PCBP3: variants seen among roughly 807,000 people sequenced by gnomAD.
PCBP3 encodes the protein poly(rC) binding protein 3.
A neutral mutation model predicts 52.7 loss-of-function variants in PCBP3; 25 were observed. That is an observed-to-expected ratio of 0.47 (90% CI 0.35 to 0.66). The LOEUF (loss-of-function observed/expected upper bound fraction) is 0.66. PCBP3 is among the 30% of genes least tolerant of loss of function. The pLI is 0.01. For missense variants in PCBP3, 391 were observed against 490.3 expected (o/e 0.80, Z 1.91); for synonymous variants, 162 against 183.0 (o/e 0.89, Z 0.93).
At chr21:45,884,005 A>G (rs1296333649) in intron 5 of PCBP3, among the ~76,000 whole-genome samples, 5 of 152,160 alleles carry the variant, frequency 3.3e-5, no homozygotes, top group Non-Finnish European at 7.4e-5. Context: ...TAGTGTGATC[A>G]TGGCTCACTG....
chr21:45,688,195 GAGAAT>G (rs1207353387), intron 2 of PCBP3, among the ~76,000 whole-genome samples: 4 of 152,140 alleles, frequency 2.6e-5, no homozygotes, highest in Non-Finnish European at 4.4e-5. Flanking sequence ...AAATCAATAA[GAGAAT>G]AGAAGAGTTG....
intron 5 of PCBP3, among the ~76,000 whole-genome samples, chr21:45,895,801 G>A (rs2095809596): frequency 6.6e-6 from 1 of 152,254 alleles, no homozygotes; most frequent in Non-Finnish European, 1.5e-5. Context: ...CCCCGTGACT[G>A]TGTGTTGAGG....
intron 3 of PCBP3, among the ~76,000 whole-genome samples, chr21:45,749,141 A>G (rs1347699971): frequency 2.0e-5 from 3 of 152,000 alleles, no homozygotes; most frequent in Non-Finnish European, 4.4e-5. Flanking sequence ...CCTTTTTATC[A>G]GTAAAGAAAC....
rs2083342803 is a variant in PCBP3 at position 45,704,759 on chromosome 21, T to G, written c.-199-30633T>G. Among the ~76,000 whole-genome samples, 1 of 152,126 alleles carries G rather than the reference T, an allele frequency of 6.6e-6. No individual in the cohort carries two copies. The highest frequency in any genetic ancestry group is 2.4e-5 in the African/African-American group (1 of 41,416). ...TTGCTGCTGGCAGAGTTCCAAAACA[T>G]GAAAATGTAAAATGGAATTGAATAA... On this transcript the variant is annotated intron_variant, in intron 2 of 17. Coordinates refer to ENST00000681687, the MANE Select transcript of PCBP3 (RefSeq NM_001384156.1). The surrounding 1 kb of genome is among the most constrained non-coding windows in gnomAD (Gnocchi z 4.1).
intron 4 of PCBP3, among the ~76,000 whole-genome samples, chr21:45,789,552 G>A (rs537900458): frequency 6.6e-6 from 1 of 152,332 alleles, no homozygotes; most frequent in African/African-American, 2.4e-5. Context: ...AGCCATGGAT[G>A]AGGAGCAATC....
intron 1 of PCBP3, among the ~76,000 whole-genome samples, chr21:45,659,233 TGA>T (rs2080221476): frequency 1.3e-5 from 2 of 152,072 alleles, no homozygotes; most frequent in East Asian, 3.9e-4. Flanking sequence ...GTTATTGATT[TGA>T]GATATTTCTC....
At chr21:45,744,772 A>G (rs2086702875) in intron 3 of PCBP3, among the ~76,000 whole-genome samples, 2 of 152,136 alleles carry the variant, frequency 1.3e-5, no homozygotes, top group South Asian at 4.1e-4. Context: ...GTCTTCTAAG[A>G]CACTTTTAAC....
chr21:45,808,547 T>TAG (rs1421832754), intron 4 of PCBP3, among the ~76,000 whole-genome samples: 1 of 152,156 alleles, frequency 6.6e-6, no homozygotes, highest in Non-Finnish European at 1.5e-5. Flanking sequence ...CAGCAGATGC[T>TAG]AGAGGGGATG....
intron 13 of PCBP3, chr21:45,918,008 A>G: frequency 3.1e-6 from 1 of 318,030 alleles, no homozygotes; most frequent in Non-Finnish European, 6.1e-6. Flanking sequence ...GGGTGACATT[A>G]TCAAACAGGC....
rs546066710 is a variant in PCBP3, at chr21:45,812,591, C to T, written c.-125-37370C>T. Among the ~76,000 whole-genome samples the T allele has an allele frequency of 3.9e-5, 6 of 152,306 alleles. No individual in the cohort carries two copies. The East Asian group carries it at 9.6e-4, about 24-fold the overall frequency. ...TAATTTTTGTATTTTTAGTACAAAC[C>T]GGGTTTCACCGTGTTGGCCAGAACT... On this transcript the variant is annotated intron_variant, in intron 4 of 17. Coordinates refer to ENST00000681687, the MANE Select transcript of PCBP3 (RefSeq NM_001384156.1).
At chr21:45,740,583 CGT>C (rs943357751) in intron 3 of PCBP3, among the ~76,000 whole-genome samples, 14 of 150,854 alleles carry the variant, frequency 9.3e-5, no homozygotes, top group African/African-American at 2.9e-4. Context: ...CTGAGAGGTG[CGT>C]GTGTGTGTGC....
chr21:45,686,097 T>C (rs2082137643), intron 2 of PCBP3, among the ~76,000 whole-genome samples: 1 of 152,054 alleles, frequency 6.6e-6, no homozygotes, highest in African/African-American at 2.4e-5. Context: ...TTTGTGTTTT[T>C]AGTAGAGACA....
intron 4 of PCBP3, among the ~76,000 whole-genome samples, chr21:45,783,116 A>AT (rs1444350304): frequency 2.0e-5 from 3 of 152,170 alleles, no homozygotes; most frequent in African/African-American, 4.8e-5. Flanking sequence ...AGATAATGAC[A>AT]TTTTTGCCCA....
chr21:45,765,337 C>G (rs556872361), intron 4 of PCBP3, among the ~76,000 whole-genome samples: 1 of 152,246 alleles, frequency 6.6e-6, no homozygotes, highest in South Asian at 2.1e-4. Flanking sequence ...CGGGCATTGG[C>G]CAGATGAAAA....
rs2073728466 is a variant in PCBP3, at chr21:45,917,723, A to G, written c.717+94A>G. The G allele has an allele frequency of 3.1e-6, 3 of 980,484 alleles. No homozygotes were observed. In the Middle Eastern group the frequency reaches 6.1e-4, roughly 200 times the overall value. The allele number at this position is 980,484 out of a possible 1,614,324, so 60.7% of individuals were successfully genotyped here. The stretch of plus-strand genomic sequence containing the variant: ...GTTAATTGCTACTAACATTAATATT[A>G]CACAATAATATTAATCAACTTCTCA... On this transcript the variant is annotated intron_variant, in intron 13 of 17. Transcript: ENST00000681687. This position sits in a 1 kb window ranked among gnomAD's most constrained non-coding sequence, Gnocchi z 5.3.
intron 11 of PCBP3, among the ~76,000 whole-genome samples, chr21:45,913,736 C>T (rs1200089902): frequency 1.4e-4 from 21 of 152,196 alleles, no homozygotes; most frequent in Admixed American, 1.4e-3. Context: ...AAAAGGAGCC[C>T]TCTGGAGGGA....
rs2146396727 is a variant in PCBP3 at position 45,791,966 on chromosome 21, T to C, written c.-126+36514T>C. Among the ~76,000 whole-genome samples the C allele has an allele frequency of 6.6e-6, 1 of 152,384 alleles. No individual in the cohort carries two copies. Among genetic ancestry groups the C allele is most frequent in the African/African-American group, 2.4e-5 (1 of 41,604 alleles). On this transcript the variant is annotated intron_variant, in intron 4 of 17. Transcript: ENST00000681687. This position sits in a 1 kb window ranked among gnomAD's most constrained non-coding sequence, Gnocchi z 4.2. ...CTTAGGGCAGTGCCCGCCCTCAGGC[T>C]GACAGCCTTTCCTTTCCTTGCTCCA... is the stretch of plus-strand genomic sequence containing the variant.
At chr21:45,655,278 A>C (rs896721520) in intron 1 of PCBP3, among the ~76,000 whole-genome samples, 1 of 151,878 alleles carries the variant, frequency 6.6e-6, no homozygotes, top group African/African-American at 2.4e-5. Context: ...TAACTGCCAA[A>C]TTGTTTCCCG....
At chr21:45,671,519 A>G (rs952692484) in intron 2 of PCBP3, among the ~76,000 whole-genome samples, 1 of 152,172 alleles carries the variant, frequency 6.6e-6, no homozygotes, top group Non-Finnish European at 1.5e-5. Flanking sequence ...AGTTAGAGCA[A>G]CATCCCATGG....
Sources: allele counts gnomAD v4.1 joint callset (sites outside exome capture counted in the v4.1 genomes callset), GRCh38; gene constraint gnomAD v4.1.1; non-coding constraint Gnocchi (gnomAD v3.1); transcripts MANE v1.5; gene names NCBI Gene and HGNC (gene_info 2026-07-23, HGNC 2026-07-21).